The following CCDC3 variants were observed in gnomAD, a reference collection of about 807,000 sequenced individuals.
CCDC3 encodes coiled-coil domain containing 3, also known as coiled-coil domain-containing protein 3.
A neutral mutation model predicts 21.4 loss-of-function variants in CCDC3; 24 were observed. That is an observed-to-expected ratio of 1.12 (90% confidence interval 0.81 to 1.58). CCDC3 has a LOEUF of 1.58. Ranked by LOEUF, CCDC3 falls within the 40% of genes most tolerant of loss-of-function variation. CCDC3 has a pLI of 0.00. For synonymous variants in CCDC3, 186 were observed against 166.0 expected (o/e 1.12, Z -0.93); for missense variants, 425 against 360.9 (o/e 1.18, Z -1.44).
At position 12,998,595 on chromosome 10, in the gene CCDC3, A is replaced by G. The variant is rs78490523; in HGVS notation, c.375-83T>C. Reference sequence around the variant, plus strand: ...CAATCCAGAGTCACAGACAACTGCAACGGGCTTGCCAATTTCACATCAATG... The same window carrying G: ...CAATCCAGAGTCACAGACAACTGCAGCGGGCTTGCCAATTTCACATCAATG... On this transcript the variant is annotated intron_variant, in intron 1 of 2. Coordinates refer to ENST00000378825, the MANE Select transcript of CCDC3 (RefSeq NM_031455.4). 1,801 of 1,307,130 alleles carry G rather than the reference A, an allele frequency of 1.4e-3. 12 individuals carry two copies. The African/African-American group carries it at 0.023, about 16-fold the overall frequency. The allele number at this position is 1,307,130 out of a possible 1,614,324, so 81.0% of individuals were successfully genotyped here.
Position 13,001,240 on chromosome 10 carries a change from A to G in CCDC3, c.331T>C (p.Ser111Pro), listed in dbSNP as rs1322035482. 1.3e-6 allele frequency: 2 copies of G among 1,583,288 alleles called. No homozygotes were observed. The highest frequency in any genetic ancestry group is 1.7e-4 in the Middle Eastern group (1 of 6,024). ...LTGLGYFSCH[S>P]HTVVQDYSYF... ...GAGTAGTCCTGGACCACGGTGTGGG[A>G]GTGGCACGAGAAGTAGCCCAGGCCG... Residue 111 changes from serine to proline, a missense_variant, in exon 1 of 3, where the codon TCC becomes CCC. Transcript: ENST00000378825.
intron 4 of CCDC3, among the ~76,000 whole-genome samples, chr10:13,060,232 C>G (rs1192843081): frequency 6.6e-6 from 1 of 152,134 alleles, no homozygotes; most frequent in Non-Finnish European, 1.5e-5. Flanking sequence ...GAACTCAACC[C>G]CATGGAAGAC....
chr10:12,997,047 C>A (rs993733084), intron 2 of CCDC3, among the ~76,000 whole-genome samples: 1 of 152,012 alleles, frequency 6.6e-6, no homozygotes, highest in Non-Finnish European at 1.5e-5. Flanking sequence ...CGTCATAAAC[C>A]TACACACGTA....
chr10:12,913,765 A>C (rs762158727), intron 2 of CCDC3, among the ~76,000 whole-genome samples: 1 of 152,086 alleles, frequency 6.6e-6, no homozygotes, highest in Non-Finnish European at 1.5e-5. Flanking sequence ...TTCTATACCT[A>C]ATTTGTTGAA....
Position 12,921,093 on chromosome 10 carries a change from C to A in CCDC3, c.550-22414G>T, listed in dbSNP as rs148402403. On this transcript the variant is annotated intron_variant, in intron 2 of 2. Transcript: ENST00000378825. ...ATATTATGATATTTGCCTGGGACAT[C>A]GTGGTTTTAGTTACCAAAAAAATAA... is the stretch of plus-strand genomic sequence containing the variant. Among the ~76,000 whole-genome samples the A allele has an allele frequency of 4.6e-5, 7 of 152,270 alleles. No homozygotes were observed. The East Asian group carries it at 1.3e-3, about 29-fold the overall frequency.
intron 5 of CCDC3, among the ~76,000 whole-genome samples, chr10:13,027,820 G>A (rs1391498052): frequency 1.3e-5 from 2 of 151,978 alleles, no homozygotes; most frequent in Admixed American, 1.3e-4. Context: ...ACCATTTTAT[G>A]GATAATGAAC....
chr10:13,092,836 T>C (rs928846678), intron 3 of CCDC3, among the ~76,000 whole-genome samples: 1 of 152,188 alleles, frequency 6.6e-6, no homozygotes, highest in Non-Finnish European at 1.5e-5. Flanking sequence ...GACAATGCAA[T>C]GTGCCTACAA....
intron 2 of CCDC3, among the ~76,000 whole-genome samples, chr10:12,914,536 C>T (rs1423814973): frequency 6.6e-6 from 1 of 152,084 alleles, no homozygotes; most frequent in Non-Finnish European, 1.5e-5. Flanking sequence ...ACCTCCGCCT[C>T]CTGGGTCAAG....
rs142853245 is a variant in CCDC3 at position 12,931,085 on chromosome 10, G to A, written c.550-32406C>T. Among the ~76,000 whole-genome samples the A allele has an allele frequency of 1.4e-3, 216 of 151,874 alleles. 2 individuals carry two copies. Among genetic ancestry groups the A allele is most frequent in the East Asian group, 5.0e-3 (26 of 5,150 alleles). Reference sequence around the variant, plus strand: ...AATTAGCTGGACATGGTGGCCTGCGGCTGTAATCCCAGCTACCTGGGAGGC... The same window carrying A: ...AATTAGCTGGACATGGTGGCCTGCGACTGTAATCCCAGCTACCTGGGAGGC... On this transcript the variant is annotated intron_variant, in intron 2 of 2. Transcript: ENST00000378825.
chr10:13,089,339 A>T (rs1192022992), intron 3 of CCDC3, among the ~76,000 whole-genome samples: 1 of 152,208 alleles, frequency 6.6e-6, no homozygotes, highest in East Asian at 1.9e-4. Context: ...TGAATTCTTT[A>T]TATGAATCAT....
At chr10:13,081,883 T>C (rs1171146022) in intron 3 of CCDC3, among the ~76,000 whole-genome samples, 1 of 152,234 alleles carries the variant, frequency 6.6e-6, no homozygotes, top group Non-Finnish European at 1.5e-5. Flanking sequence ...TCCACTCAGA[T>C]AATCCTCTAA....
At chr10:13,025,965 G>A (rs1461367455) in intron 5 of CCDC3, among the ~76,000 whole-genome samples, 1 of 152,134 alleles carries the variant, frequency 6.6e-6, no homozygotes, top group Non-Finnish European at 1.5e-5. Flanking sequence ...AGGATCACTT[G>A]AGGCCAGGAG....
intron 2 of CCDC3, among the ~76,000 whole-genome samples, chr10:12,919,105 T>C (rs1167963052): frequency 6.6e-6 from 1 of 152,120 alleles, no homozygotes; most frequent in Non-Finnish European, 1.5e-5. Flanking sequence ...ACCATTCCTA[T>C]AGTATGTTAC....
chr10:12,985,431 A>G (rs565944803), intron 2 of CCDC3, among the ~76,000 whole-genome samples: 24 of 152,368 alleles, frequency 1.6e-4, no homozygotes, highest in Admixed American at 7.8e-4. Flanking sequence ...TTGGGCATTT[A>G]TAACAGAGAA....
At chr10:13,041,684 C>T (rs980445851) in intron 5 of CCDC3, among the ~76,000 whole-genome samples, 3 of 151,804 alleles carry the variant, frequency 2.0e-5, no homozygotes, top group Admixed American at 6.6e-5. Flanking sequence ...GCCACCATGC[C>T]CAGCTGGTGG....
At chr10:13,029,673 T>C (rs1836273188) in intron 5 of CCDC3, among the ~76,000 whole-genome samples, 1 of 152,066 alleles carries the variant, frequency 6.6e-6, no homozygotes, top group Non-Finnish European at 1.5e-5. Flanking sequence ...AAAATCATGG[T>C]ACGAGAACTA....
intron 2 of CCDC3, among the ~76,000 whole-genome samples, chr10:12,944,040 A>G (rs1193796748): frequency 6.6e-6 from 1 of 152,216 alleles, no homozygotes; most frequent in Non-Finnish European, 1.5e-5. Flanking sequence ...AGGGATCTTA[A>G]GACTGACAAA....
rs2131189398 is a variant in CCDC3, at chr10:12,897,252, C to G, written c.*1164G>C. On this transcript the variant is annotated 3_prime_UTR_variant, in exon 3 of 3. Transcript: ENST00000378825. ...CTTAATCACACAGCTGGGACCCACT[C>G]AAATGTGCCTGAGCAATAAGTCTAG... 6.6e-6 allele frequency: 1 copy of G among 152,324 alleles called. No individual in the cohort carries two copies. The highest frequency in any genetic ancestry group is 2.4e-5 in the African/African-American group (1 of 41,574). The allele number at this position is 152,324 out of a possible 1,614,324, so 9.4% of individuals were successfully genotyped here.
At chr10:12,898,793 CCA>C (rs769284689) in intron 2 of CCDC3, 114 bp from the exon 3 acceptor site, 13 of 1,268,288 alleles carry the variant, frequency 1.0e-5, no homozygotes, top group African/African-American at 1.5e-5. Context: ...CCCCGATTCC[CCA>C]CCCCAGCATG....
Sources: allele counts gnomAD v4.1 joint callset (sites outside exome capture counted in the v4.1 genomes callset), GRCh38; gene constraint gnomAD v4.1.1; transcripts MANE v1.5; gene names NCBI Gene and HGNC (gene_info 2026-07-23, HGNC 2026-07-21).